Variants in ARHGEF7 observed in about 807,000 individuals in gnomAD.
ARHGEF7 encodes the protein PAK-interacting exchange factor beta.
ARHGEF7 carries 33 observed loss-of-function variants against 109.8 expected under a neutral mutation model. That is an observed-to-expected ratio of 0.30 (90% CI 0.23 to 0.40). The LOEUF (loss-of-function observed/expected upper bound fraction) is 0.40. Among genes scored for constraint, ARHGEF7 ranks in the 10% least tolerant of loss-of-function variants. ARHGEF7 has a pLI of 1.00. For missense variants in ARHGEF7, 938 were observed against 1,098.5 expected (o/e 0.85, Z 2.07); for synonymous variants, 458 against 424.6 (o/e 1.08, Z -0.97).
intron 18 of ARHGEF7, among the ~76,000 whole-genome samples, 195 bp from the exon 19 acceptor site, chr13:111,291,923 C>T (rs568387345): frequency 5.3e-5 from 8 of 152,176 alleles, no homozygotes; most frequent in Admixed American, 1.3e-4. Flanking sequence ...AAGGGTTTTG[C>T]TAAGTTCGTT....
At chr13:111,246,472 G>A (rs1420334706) in intron 8 of ARHGEF7, among the ~76,000 whole-genome samples, 1 of 152,080 alleles carries the variant, frequency 6.6e-6, no homozygotes, top group Non-Finnish European at 1.5e-5. Context: ...TTTTTGGCTG[G>A]GCTTTGAGGT....
chr13:111,236,659 A>G (rs1382933840), intron 6 of ARHGEF7, among the ~76,000 whole-genome samples: 1 of 152,116 alleles, frequency 6.6e-6, no homozygotes, highest in African/African-American at 2.4e-5. Context: ...AGATTCACCA[A>G]AGATTGTGCT....
intron 1 of ARHGEF7, among the ~76,000 whole-genome samples, chr13:111,126,489 CA>C (rs1002145808): frequency 0.045 from 3,649 of 80,926 alleles, 60 homozygotes; most frequent in African/African-American, 0.094. Context: ...GACTCCATCT[CA>C]AAAAAAAAAA....
chr13:111,149,553 T>C (rs1013742880), intron 1 of ARHGEF7, among the ~76,000 whole-genome samples: 16 of 152,374 alleles, frequency 1.1e-4, no homozygotes, highest in African/African-American at 3.8e-4. Flanking sequence ...ACGAAGACTC[T>C]GGCCAGAACA....
chr13:111,205,374 G>A lies in ARHGEF7; in HGVS notation c.337+1G>A. ...GTGACTCTAAATAAAGTAACAGCAG[G>A]TAAGACTCTTTTTTATTGAACTCGA... On this transcript the variant is annotated splice_donor_variant, in intron 3 of 21. Transcript: ENST00000646102. LOFTEE classifies it high-confidence loss of function. The A allele has an allele frequency of 6.3e-7, 1 of 1,587,128 alleles. No individual in the cohort carries two copies.
At chr13:111,292,619 G>C in intron 19 of ARHGEF7, 3 of 1,201,170 alleles carry the variant, frequency 2.5e-6, no homozygotes, top group South Asian at 5.0e-5. Context: ...TTTATTCTCA[G>C]TGTAGCAACT....
chr13:111,255,686 A>G lies in ARHGEF7; in HGVS notation c.950+11392A>G, dbSNP rs2090343519. ...TGAAAGAAGATCTGTTTTCAGTCAC[A>G]TTGGTGAGGGACTTTTTTCCTCACC... On this transcript the variant is annotated intron_variant, in intron 8 of 21. Transcript: ENST00000646102. The surrounding 1 kb of genome is among the most constrained non-coding windows in gnomAD (Gnocchi z 4.1). Among the ~76,000 whole-genome samples, 1 of 152,238 alleles carries G rather than the reference A, an allele frequency of 6.6e-6. No individual in the cohort carries two copies. Among genetic ancestry groups the G allele is most frequent in the South Asian group, 2.1e-4 (1 of 4,832 alleles).
At chr13:111,243,466 G>T (rs144628065) in intron 6 of ARHGEF7, among the ~76,000 whole-genome samples, 2 of 152,084 alleles carry the variant, frequency 1.3e-5, no homozygotes, top group Non-Finnish European at 2.9e-5. Context: ...TCATCTCTTA[G>T]ACTTAATACA....
At chr13:111,233,141 A>G (rs2153527303) in intron 5 of ARHGEF7, 64 bp from the exon 6 acceptor site, 1 of 1,365,650 alleles carries the variant, frequency 7.3e-7, no homozygotes, top group East Asian at 2.3e-5. Flanking sequence ...GGCCTGTGTG[A>G]GGGGCTGGAA....
chr13:111,229,385 C>T (rs1012859129), intron 5 of ARHGEF7, among the ~76,000 whole-genome samples: 18 of 152,214 alleles, frequency 1.2e-4, no homozygotes, highest in African/African-American at 3.4e-4. Context: ...TCCCTCCTCA[C>T]GGTGATACTA....
At chr13:111,294,362 G>A in intron 19 of ARHGEF7, 1 of 985,438 alleles carries the variant, frequency 1.0e-6, no homozygotes, top group Non-Finnish European at 1.2e-6. Flanking sequence ...GTCATGGGCT[G>A]TGTAGACCAC....
Position 111,203,211 on chromosome 13 carries a change from C to T in ARHGEF7, c.253-2078C>T, listed in dbSNP as rs909772582. ...AATTTTCAGAGCACTAAGATTAGAT[C>T]TGTAGAGCTGAAAGACATTCAGATC... On this transcript the variant is annotated intron_variant, in intron 2 of 21. Coordinates refer to ENST00000646102, the MANE Select transcript of ARHGEF7 (RefSeq NM_001354046.2). 23 of 705,556 alleles carry T rather than the reference C, an allele frequency of 3.3e-5. No homozygotes were observed. In the African/African-American group the frequency reaches 4.4e-4, roughly 13 times the overall value. 43.7% of individuals were successfully genotyped at this position (705,556 alleles called of 1,614,324 possible). A position where few individuals can be genotyped will look rare whatever the true frequency, so the allele number is the denominator to read the frequency against.
chr13:111,133,783 ATATATATATATATATATATATATATATAT>A (rs1566606640), intron 1 of ARHGEF7, among the ~76,000 whole-genome samples: 4,679 of 75,404 alleles, frequency 0.062, 505 homozygotes, highest in East Asian at 0.28. Flanking sequence ...ATATATATAT[ATATATATATATATATATATATATATATAT>A]ATTTATTATA....
chr13:111,127,074 C>T (rs74810597), intron 1 of ARHGEF7, among the ~76,000 whole-genome samples: 2,524 of 152,140 alleles, frequency 0.017, 74 homozygotes, highest in African/African-American at 0.056. Context: ...AAATTACCAA[C>T]GTAAGGAATC....
intron 4 of ARHGEF7, 85 bp downstream of exon 4, chr13:111,210,087 C>G: frequency 6.4e-7 from 1 of 1,556,066 alleles, no homozygotes; most frequent in Non-Finnish European, 8.8e-7. Context: ...ACGTATGCCT[C>G]CATTAATGGT....
intron 8 of ARHGEF7, among the ~76,000 whole-genome samples, chr13:111,254,443 A>G (rs1302196354): frequency 3.0e-5 from 4 of 134,226 alleles, no homozygotes; most frequent in Non-Finnish European, 6.6e-5. Context: ...TCAGAAGAGG[A>G]TTCGGGCTAA....
At chr13:111,143,076 G>A (rs923276225) in intron 1 of ARHGEF7, among the ~76,000 whole-genome samples, 1 of 152,130 alleles carries the variant, frequency 6.6e-6, no homozygotes, top group African/African-American at 2.4e-5. Flanking sequence ...GCAAACAAAG[G>A]CAGGGCCGCC....
intron 3 of ARHGEF7, among the ~76,000 whole-genome samples, chr13:111,207,539 A>G (rs988774144): frequency 6.6e-6 from 1 of 152,238 alleles, no homozygotes; most frequent in Non-Finnish European, 1.5e-5. Flanking sequence ...TGTAAAATCT[A>G]CAAGTAATCC....
intron 8 of ARHGEF7, among the ~76,000 whole-genome samples, chr13:111,249,635 T>C (rs957913050): frequency 1.3e-5 from 2 of 152,158 alleles, no homozygotes; most frequent in African/African-American, 4.8e-5. Context: ...TCTGTACCTA[T>C]GAAGATAAGC....
Sources: gnomAD v4.1 joint callset for allele counts (sites outside exome capture counted in the v4.1 genomes callset) on GRCh38, gnomAD v4.1.1 for gene constraint, Gnocchi (gnomAD v3.1) non-coding constraint, MANE v1.5 for transcripts, NCBI Gene and HGNC (gene_info 2026-07-23, HGNC 2026-07-21) for gene names.